DPP6: variants seen among roughly 807,000 people sequenced by gnomAD.
DPP6 encodes dipeptidyl peptidase like 6.
In DPP6, 69 loss-of-function variants were observed where a neutral mutation model predicts 122.6. The ratio of observed to expected loss-of-function variants is 0.56; its 90% CI spans 0.46 to 0.69. DPP6 has a LOEUF of 0.69. DPP6 is among the 30% of genes least tolerant of loss of function. The probability of loss-of-function intolerance (pLI) is 0.00; values close to 1 mark genes in which losing one functional copy is unlikely to be tolerated. For missense variants in DPP6, 928 were observed against 1,116.9 expected, an observed-to-expected ratio of 0.83 and a Z score of 2.41; for synonymous variants, 418 against 433.1, an observed-to-expected ratio of 0.97 and a Z score of 0.43.
intron 1 of DPP6, among the ~76,000 whole-genome samples, chr7:154,335,037 GA>G (rs1359358879): frequency 8.4e-6 from 1 of 119,434 alleles, no homozygotes; most frequent in Non-Finnish European, 1.7e-5. Context: ...TCCTGGGACT[GA>G]AATGATGATT....
chr7:154,269,795 C>A (rs935327393), intron 1 of DPP6, among the ~76,000 whole-genome samples: 1 of 152,078 alleles, frequency 6.6e-6, no homozygotes, highest in Admixed American at 6.6e-5. Flanking sequence ...TGAACATTTT[C>A]TCTGAATCTC....
chr7:153,811,415 C>T, the DPP6 span, among the ~76,000 whole-genome samples: 9 of 152,224 alleles, frequency 5.9e-5, no homozygotes, highest in Admixed American at 5.2e-4. Flanking sequence ...AGAATTGGTG[C>T]CTAGGAGGAT....
At chr7:154,272,719 G>A (rs1346879468) in intron 1 of DPP6, among the ~76,000 whole-genome samples, 1 of 152,196 alleles carries the variant, frequency 6.6e-6, no homozygotes, top group Non-Finnish European at 1.5e-5. Flanking sequence ...CCTCAATAGA[G>A]CCTGAGATGG....
At chr7:154,883,392 A>T (rs1437223868) in intron 21 of DPP6, among the ~76,000 whole-genome samples, 3 of 104,370 alleles carry the variant, frequency 2.9e-5, no homozygotes, top group East Asian at 9.2e-4. Context: ...ACCTGCTCAC[A>T]CACACACACA....
chr7:154,805,485 G>A (rs1798642149), intron 15 of DPP6, among the ~76,000 whole-genome samples: 1 of 150,928 alleles, frequency 6.6e-6, no homozygotes, highest in South Asian at 2.1e-4. Context: ...TTTGGGATCA[G>A]GGTAGGTAAA....
intron 1 of DPP6, among the ~76,000 whole-genome samples, chr7:154,125,789 T>C (rs1807838873): frequency 6.6e-6 from 1 of 152,110 alleles, no homozygotes; most frequent in African/African-American, 2.4e-5. Flanking sequence ...CAGAAGAACC[T>C]AGAGTTAATG....
chr7:153,942,284 C>T (rs1010083228), intron 1 of DPP6, among the ~76,000 whole-genome samples: 7 of 152,242 alleles, frequency 4.6e-5, no homozygotes, highest in Non-Finnish European at 7.3e-5. Context: ...TGCCTCTCCT[C>T]TCCTTGCGAC....
intron 1 of DPP6, among the ~76,000 whole-genome samples, chr7:154,053,443 A>T (rs1203776833): frequency 6.6e-6 from 1 of 150,656 alleles, no homozygotes; most frequent in Non-Finnish European, 1.5e-5. Flanking sequence ...TTTATTTTTT[A>T]TTTATTTCGT....
chr7:154,766,088 A>G (rs77954598), intron 8 of DPP6, among the ~76,000 whole-genome samples: 3,901 of 152,338 alleles, frequency 0.026, 147 homozygotes, highest in African/African-American at 0.088. Context: ...ACTAACGTAC[A>G]GGAAAATAAA....
At chr7:154,519,971 G>A (rs1316142273) in intron 3 of DPP6, among the ~76,000 whole-genome samples, 4 of 152,200 alleles carry the variant, frequency 2.6e-5, no homozygotes. Context: ...CAATTAATCA[G>A]CACAGTAACC....
chr7:153,801,813 T>TTC, the DPP6 span, among the ~76,000 whole-genome samples: 1 of 152,188 alleles, frequency 6.6e-6, no homozygotes, highest in Non-Finnish European at 1.5e-5. Context: ...GCAGCTCTTG[T>TTC]TCTCAGACTG....
At chr7:154,012,538 T>A (rs918126464) in intron 1 of DPP6, among the ~76,000 whole-genome samples, 2 of 152,146 alleles carry the variant, frequency 1.3e-5, no homozygotes, top group African/African-American at 4.8e-5. Flanking sequence ...ATTCATAGAA[T>A]GGGAGAACAC....
intron 1 of DPP6, among the ~76,000 whole-genome samples, chr7:154,441,395 A>G (rs1033738221): frequency 6.6e-6 from 1 of 152,212 alleles, no homozygotes; most frequent in African/African-American, 2.4e-5. Context: ...TATAATTTTT[A>G]TAAATTATAG....
chr7:154,449,794 T>G (rs1820196453), intron 2 of DPP6, among the ~76,000 whole-genome samples: 1 of 151,746 alleles, frequency 6.6e-6, no homozygotes, highest in Admixed American at 6.6e-5. Context: ...GATCATGAGG[T>G]CAGGAAGCCG....
chr7:154,649,734 C>T (rs1444448825), intron 6 of DPP6, among the ~76,000 whole-genome samples: 1 of 152,224 alleles, frequency 6.6e-6, no homozygotes, highest in Non-Finnish European at 1.5e-5. Flanking sequence ...GGAGCAGCAG[C>T]CTGACTGTGC....
chr7:154,352,825 C>T (rs1325692346), intron 1 of DPP6, among the ~76,000 whole-genome samples: 1 of 152,162 alleles, frequency 6.6e-6, no homozygotes, highest in Non-Finnish European at 1.5e-5. Context: ...ACATGGATCC[C>T]AGAACTTCAG....
At chr7:154,448,700 G>A (rs1820098345) in intron 2 of DPP6, among the ~76,000 whole-genome samples, 1 of 152,100 alleles carries the variant, frequency 6.6e-6, no homozygotes, top group Admixed American at 6.6e-5. Context: ...AAAACAATAT[G>A]GTACTAGGAT....
At chr7:154,074,108 G>GATATAT (rs1563170862) in intron 1 of DPP6, among the ~76,000 whole-genome samples, 19 of 72,660 alleles carry the variant, frequency 2.6e-4, no homozygotes, top group Admixed American at 6.8e-4. Context: ...TATAGAGATA[G>GATATAT]AGAGATATAT....
At chr7:153,857,671 AATAG>A in the DPP6 span, among the ~76,000 whole-genome samples, 1 of 152,210 alleles carries the variant, frequency 6.6e-6, no homozygotes, top group Non-Finnish European at 1.5e-5. Flanking sequence ...GCAGATGCAA[AATAG>A]ATATTATATC....
Sources: allele counts gnomAD v4.1 joint callset (sites outside exome capture counted in the v4.1 genomes callset), GRCh38; gene constraint gnomAD v4.1.1; transcripts MANE v1.5; gene names NCBI Gene and HGNC (gene_info 2026-07-23, HGNC 2026-07-21).